The following TSPEAR variants were observed in gnomAD, a reference collection of about 807,000 sequenced individuals.
TSPEAR encodes thrombospondin-type laminin G domain and EAR repeat-containing protein.
Under a neutral mutation model 71.6 loss-of-function variants are expected in TSPEAR, and 69 were observed. The ratio of observed to expected loss-of-function variants is 0.96; its 90% CI spans 0.79 to 1.18. The LOEUF (loss-of-function observed/expected upper bound fraction) is 1.18, where lower values mean the gene tolerates loss of function less well. TSPEAR is among the 50% of genes most tolerant of loss of function. The pLI is 0.00. For missense variants in TSPEAR, 971 were observed against 894.9 expected (o/e 1.09, Z -1.09); for synonymous variants, 402 against 387.2 (o/e 1.04, Z -0.45).
At chr21:44,558,764 TGG>T in intron 2 of TSPEAR, 1 of 1,558,896 alleles carries the variant, frequency 6.4e-7, no homozygotes, top group Non-Finnish European at 8.7e-7. Flanking sequence ...TGAGTGAGTG[TGG>T]GAGTGAGTGA....
Position 44,506,891 on chromosome 21 carries a change from C to A in TSPEAR, c.1755-2010G>T, listed in dbSNP as rs1281727847. On this transcript the variant is annotated intron_variant, in intron 10 of 11. Transcript: ENST00000323084. This position sits in a 1 kb window ranked among gnomAD's most constrained non-coding sequence, Gnocchi z 4.2. ...GCTTCGGTTTCACCACAAAATAAGG[C>A]ATCTAGTGCCCGATTCTGCCTCCAA... The A allele has an allele frequency of 1.3e-5, 2 of 152,200 alleles. No individual in the cohort carries two copies. Among genetic ancestry groups the A allele is most frequent in the African/African-American group, 4.8e-5 (2 of 41,436 alleles). 9.4% of individuals were successfully genotyped at this position (152,200 alleles called of 1,614,324 possible).
At position 44,539,918 on chromosome 21, in the gene TSPEAR, G is replaced by A. The variant is rs782185351; in HGVS notation, c.304-5995C>T. The A allele has an allele frequency of 4.7e-5, 76 of 1,613,482 alleles. No individual in the cohort carries two copies. Among genetic ancestry groups the A allele is most frequent in the East Asian group, 8.9e-5 (4 of 44,876 alleles). On this transcript the variant is annotated intron_variant, in intron 2 of 11. Coordinates refer to ENST00000323084, the MANE Select transcript of TSPEAR (RefSeq NM_144991.3). ...CTGGCAGCTAGACTGCTGGCAGCAC[G>A]AGGGCGTGCAGGAGCTGGTGCAGCC...
intron 2 of TSPEAR, among the ~76,000 whole-genome samples, chr21:44,545,042 A>G (rs1433241344): frequency 6.6e-6 from 1 of 151,764 alleles, no homozygotes; most frequent in African/African-American, 2.4e-5. Flanking sequence ...AAAAGAGGCC[A>G]GGCGCGGTGG....
At chr21:44,708,203 A>G (rs1988041132) in intron 1 of TSPEAR, among the ~76,000 whole-genome samples, 1 of 151,902 alleles carries the variant, frequency 6.6e-6, no homozygotes, top group Non-Finnish European at 1.5e-5. Flanking sequence ...AGCAGGGGGG[A>G]CTGCAGGCTC....
At chr21:44,661,900 C>G (rs782374427) in intron 1 of TSPEAR, among the ~76,000 whole-genome samples, 1 of 152,096 alleles carries the variant, frequency 6.6e-6, no homozygotes, top group African/African-American at 2.4e-5. Context: ...ATCCAATCAC[C>G]TCCCACCAGG....
chr21:44,560,902 C>G (rs1433234398), intron 2 of TSPEAR, among the ~76,000 whole-genome samples: 1 of 152,124 alleles, frequency 6.6e-6, no homozygotes, highest in African/African-American at 2.4e-5. Context: ...GATCTACACC[C>G]TAACATCACA....
Position 44,711,463 on chromosome 21 carries a change from G to GGCCGGGGGCC in TSPEAR, c.42_51dup (p.His18GlyfsTer28), listed in dbSNP as rs1467180870. The GGCCGGGGGCC allele has an allele frequency of 5.0e-6, 8 of 1,610,900 alleles. No homozygotes were observed. Among genetic ancestry groups the GGCCGGGGGCC allele is most frequent in the Non-Finnish European group, 6.8e-6 (8 of 1,179,072 alleles). ...CAGGGCTCCCAACCCTGCGTGCCGTGGCCGGGGGCCGCCAGGGGCAGCACA... is the reference window on the plus strand; with the variant it reads ...CAGGGCTCCCAACCCTGCGTGCCGTGGCCGGGGGCCGCCGGGGGCCGCCAGGGGCAGCACA... On this transcript the variant is annotated frameshift_variant, in exon 1 of 12. Transcript: ENST00000323084. LOFTEE classifies it high-confidence loss of function. This position sits in a 1 kb window ranked among gnomAD's most constrained non-coding sequence, Gnocchi z 4.5.
chr21:44,552,613 A>T (rs1319451642), intron 2 of TSPEAR, among the ~76,000 whole-genome samples: 1 of 152,182 alleles, frequency 6.6e-6, no homozygotes, highest in African/African-American at 2.4e-5. Flanking sequence ...AAGCCGAGAA[A>T]TAGAAATGAG....
chr21:44,538,369 C>G (rs2053129352), intron 2 of TSPEAR, among the ~76,000 whole-genome samples: 1 of 151,430 alleles, frequency 6.6e-6, no homozygotes, highest in Non-Finnish European at 1.5e-5. Flanking sequence ...CCCGCACCGG[C>G]ATCATCTGTG....
At chr21:44,708,835 C>T (rs1988070622) in intron 1 of TSPEAR, among the ~76,000 whole-genome samples, 1 of 152,236 alleles carries the variant, frequency 6.6e-6, no homozygotes, top group Non-Finnish European at 1.5e-5. Flanking sequence ...TTGCCAGCTC[C>T]GTGTGGGCAG....
At chr21:44,589,446 G>A (rs1979602699) in intron 1 of TSPEAR, among the ~76,000 whole-genome samples, 1 of 152,336 alleles carries the variant, frequency 6.6e-6, no homozygotes, top group East Asian at 1.9e-4. Flanking sequence ...GTCATGCTGT[G>A]TACATGGGCG....
At chr21:44,548,045 T>C (rs2053329649) in intron 2 of TSPEAR, among the ~76,000 whole-genome samples, 1 of 152,244 alleles carries the variant, frequency 6.6e-6, no homozygotes. Context: ...TTCTGGCTGA[T>C]ACCTTTGGCC....
At chr21:44,635,628 C>T (rs1309141071) in intron 1 of TSPEAR, among the ~76,000 whole-genome samples, 1 of 152,092 alleles carries the variant, frequency 6.6e-6, no homozygotes, top group Non-Finnish European at 1.5e-5. Flanking sequence ...TCCATAGAGA[C>T]AAGCAGAATA....
At chr21:44,524,105 A>G (rs1555914630) in intron 8 of TSPEAR, among the ~76,000 whole-genome samples, 1 of 150,442 alleles carries the variant, frequency 6.6e-6, no homozygotes, top group Non-Finnish European at 1.5e-5. Context: ...TGAGGTAGTC[A>G]GGTAGTCAGT....
intron 1 of TSPEAR, among the ~76,000 whole-genome samples, chr21:44,628,979 G>A (rs889241824): frequency 2.0e-5 from 3 of 152,284 alleles, no homozygotes; most frequent in Admixed American, 1.3e-4. Context: ...TCAGGGCGGC[G>A]ATGACAGAGG....
chr21:44,667,064 T>C, intron 1 of TSPEAR: 1 of 750,784 alleles, frequency 1.3e-6, no homozygotes, highest in Non-Finnish European at 2.2e-6. Context: ...TAGGTGTCTC[T>C]GGGTTTTGTT....
In TSPEAR at chr21:44,509,300, C is replaced by A. The variant is rs2052288268; in HGVS notation, c.1653G>T (p.Glu551Asp). 11 of 1,614,140 alleles carry A rather than the reference C, an allele frequency of 6.8e-6. No individual in the cohort carries two copies. Among genetic ancestry groups the A allele is most frequent in the Non-Finnish European group, 9.3e-6 (11 of 1,180,022 alleles). ...CATAGGAATCATTCTGGACTTGCAT[C>A]TCCACATCGTAGCTGTGACTGTTTG... ...AVANSHSYDV[E>D]MQVQNDSYVI... The change falls in exon 10 of 12, where the codon GAG becomes GAT. Residue 551 changes from glutamate to aspartate, a missense_variant. Physicochemically the swap from Glu to Asp is conservative, Grantham distance 45. Transcript: ENST00000323084.
intron 1 of TSPEAR, among the ~76,000 whole-genome samples, chr21:44,656,461 A>AT (rs1555942591): frequency 4.9e-5 from 7 of 142,596 alleles, no homozygotes; most frequent in African/African-American, 1.6e-4. Context: ...TGGGTTGGCA[A>AT]ATTTTTTTTG....
At chr21:44,523,243 TGGTC>T (rs1468562503) in intron 8 of TSPEAR, among the ~76,000 whole-genome samples, 2 of 151,474 alleles carry the variant, frequency 1.3e-5, no homozygotes, top group Non-Finnish European at 2.9e-5. Flanking sequence ...GTCAGGTAGT[TGGTC>T]AGTCAGTCAG....
Sources: gnomAD v4.1 joint callset for allele counts (sites outside exome capture counted in the v4.1 genomes callset) on GRCh38, gnomAD v4.1.1 for gene constraint, Gnocchi (gnomAD v3.1) non-coding constraint, MANE v1.5 for transcripts, NCBI Gene and HGNC (gene_info 2026-07-23, HGNC 2026-07-21) for gene names.